The following PLCD3 variants were observed in gnomAD, a reference collection of about 807,000 sequenced individuals.
PLCD3 encodes the protein phospholipase C delta 3.
PLCD3 carries 62 observed loss-of-function variants against 82.8 expected under a neutral mutation model. That is an observed-to-expected ratio of 0.75 (90% confidence interval 0.61 to 0.93). PLCD3 has a LOEUF of 0.93. PLCD3 is among the 40% of genes least tolerant of loss of function. The pLI is 0.00. For synonymous variants in PLCD3, 478 were observed against 471.8 expected (o/e 1.01, Z -0.17); for missense variants, 1,023 against 1,103.4 (o/e 0.93, Z 1.03).
chr17:45,130,905 C>T (rs1376761604), intron 1 of PLCD3, among the ~76,000 whole-genome samples: 2 of 152,060 alleles, frequency 1.3e-5, no homozygotes, highest in Admixed American at 6.6e-5. Context: ...TCCCCAGCCC[C>T]TCATGTGCTG....
At chr17:45,131,532 C>A (rs1411813244) in intron 1 of PLCD3, among the ~76,000 whole-genome samples, 3 of 152,240 alleles carry the variant, frequency 2.0e-5, no homozygotes, top group East Asian at 3.8e-4. Flanking sequence ...TGGTCATAGG[C>A]AAATTCCTTG....
chr17:45,123,967 A>ACC (rs1491499788), intron 1 of PLCD3, among the ~76,000 whole-genome samples: 5 of 138,406 alleles, frequency 3.6e-5, no homozygotes, highest in African/African-American at 8.4e-5. Flanking sequence ...CCCCCCCCCC[A>ACC]ACCAGGTCCA....
chr17:45,122,081 G>C lies in PLCD3; in HGVS notation c.164-709C>G, dbSNP rs140892879. On this transcript the variant is annotated intron_variant, in intron 1 of 14. Coordinates refer to ENST00000619929, the MANE Select transcript of PLCD3 (RefSeq NM_133373.5). ...GATGTGAAACCGTAGCCATCAGGAA[G>C]GTCTCACCATCTAACCTAGATCTCT... Among the ~76,000 whole-genome samples, 254 of 152,290 alleles carry C rather than the reference G, an allele frequency of 1.7e-3. 3 individuals are homozygous for C. The highest frequency in any genetic ancestry group is 5.6e-3 in the African/African-American group (232 of 41,554).
intron 7 of PLCD3, among the ~76,000 whole-genome samples, chr17:45,117,731 C>G (rs761670315): frequency 6.6e-6 from 1 of 152,178 alleles, no homozygotes; most frequent in Non-Finnish European, 1.5e-5. Flanking sequence ...CTTCCCTCCC[C>G]CAAAGGTTTT....
rs759521152 is a variant in PLCD3, at chr17:45,114,296, T to G, written c.1782A>C (p.Ser594=). The G allele has an allele frequency of 6.5e-7, 1 of 1,548,814 alleles. No individual in the cohort carries two copies. The highest frequency in any genetic ancestry group is 8.7e-7 in the Non-Finnish European group (1 of 1,145,978). ...RVYPLGLRMN[S]ANYSPQEMWN... is the part of the protein sequence containing the mutation. ...ACATCTCCTGGGGACTGTAGTTGGC[T>G]GAGTTCATCCGCAGCCCCAGCGGGT... The change falls in exon 11 of 15, where the codon TCA becomes TCC. Residue 594 remains serine (S), a synonymous_variant. Coordinates refer to ENST00000619929, the MANE Select transcript of PLCD3 (RefSeq NM_133373.5).
Position 45,118,933 on chromosome 17 carries a change from G to C in PLCD3, c.795C>G (p.Gly265=). The C allele has an allele frequency of 6.2e-7, 1 of 1,612,462 alleles. No homozygotes were observed. The highest frequency in any genetic ancestry group is 8.5e-7 in the Non-Finnish European group (1 of 1,179,662). The part of the protein sequence containing the change: ...ELEEIFHQYS[G]EDRVLSAPEL... Reference sequence around the variant, plus strand: ...CAGGGGCACTCAGCACGCGGTCCTCGCCCGAGTACTGATGGAAGATCTCCT... The same window carrying C: ...CAGGGGCACTCAGCACGCGGTCCTCCCCCGAGTACTGATGGAAGATCTCCT... Residue 265 remains glycine (G), a synonymous_variant, in exon 5 of 15, where the codon GGC becomes GGG. Coordinates refer to ENST00000619929, the MANE Select transcript of PLCD3 (RefSeq NM_133373.5). The surrounding 1 kb of genome is among the most constrained non-coding windows in gnomAD (Gnocchi z 4.1).
chr17:45,128,588 T>A (rs1158886937), intron 1 of PLCD3, among the ~76,000 whole-genome samples: 2 of 152,048 alleles, frequency 1.3e-5, no homozygotes, highest in Admixed American at 1.3e-4. Flanking sequence ...CTTGGTAGTG[T>A]GTGTAGGCTG....
chr17:45,121,311 G>T lies in PLCD3; in HGVS notation c.225C>A (p.Arg75=). The T allele has an allele frequency of 6.4e-7, 1 of 1,566,914 alleles. No homozygotes were observed. Among genetic ancestry groups the T allele is most frequent in the Non-Finnish European group, 8.6e-7 (1 of 1,165,200 alleles). Reference sequence around the variant, plus strand: ...GCCGCTCCTTGTGCCACGTGCGCGAGCGGATCTTGCGGAGCCGGGAGCCCC... The same window carrying T: ...GCCGCTCCTTGTGCCACGTGCGCGATCGGATCTTGCGGAGCCGGGAGCCCC... ...MLRGSRLRKI[R]SRTWHKERLY... Residue 75 remains arginine, a synonymous_variant, in exon 2 of 15, where the codon CGC becomes CGA. Transcript: ENST00000619929.
intron 4 of PLCD3, among the ~76,000 whole-genome samples, chr17:45,119,619 G>T (rs1219347662): frequency 6.6e-6 from 1 of 152,238 alleles, no homozygotes; most frequent in Non-Finnish European, 1.5e-5. Context: ...AGATGTGGAA[G>T]GAAAAATGGT....
At chr17:45,126,813 C>T (rs2054385187) in intron 1 of PLCD3, among the ~76,000 whole-genome samples, 1 of 151,916 alleles carries the variant, frequency 6.6e-6, no homozygotes, top group South Asian at 2.1e-4. Context: ...CTTGCACTAC[C>T]AGGCCTGAAT....
In PLCD3 at chr17:45,118,008, C is replaced by T. The variant is rs757914564; in HGVS notation, c.1246G>A (p.Asp416Asn). 14 of 1,613,258 alleles carry T rather than the reference C, an allele frequency of 8.7e-6. No individual in the cohort carries two copies. The highest frequency in any genetic ancestry group is 2.2e-5 in the East Asian group (1 of 44,888). ...LFRDVVQAVR[D>N]HAFTLSPYPV... The stretch of plus-strand genomic sequence containing the variant: ...CAGGGGCTCACCGTGAAGGCATGGT[C>T]GCGCACGGCTTGGACCACGTCCCGG... The change falls in exon 7 of 15, where the codon GAC (aspartate) becomes AAC (asparagine). Residue 416 changes from aspartate (D) to asparagine (N), a missense_variant. Asp to Asn is a conservative substitution (Grantham distance 23, BLOSUM62 1). Around this residue, in one of 3 missense-constraint regions of PLCD3, gnomAD observed 553 missense variants for 655.7 expected, o/e 0.84. Transcript: ENST00000619929. The surrounding 1 kb of genome is among the most constrained non-coding windows in gnomAD (Gnocchi z 4.1).
chr17:45,122,810 A>G (rs1449429371), intron 1 of PLCD3, among the ~76,000 whole-genome samples: 1 of 152,178 alleles, frequency 6.6e-6, no homozygotes, highest in Non-Finnish European at 1.5e-5. Context: ...CAATGCCTCA[A>G]CGAGAGTCAC....
At position 45,112,088 on chromosome 17, in the gene PLCD3, C is replaced by G. The variant is rs2054247475; in HGVS notation, c.*528G>C. The G allele has an allele frequency of 6.4e-6, 1 of 156,220 alleles. No homozygotes were observed. Among genetic ancestry groups the G allele is most frequent in the Non-Finnish European group, 1.4e-5 (1 of 70,714 alleles). 9.7% of individuals were successfully genotyped at this position (156,220 alleles called of 1,614,324 possible). ...CCAGTTTCCCCAGGGCTTCATGCCT[C>G]AGCGCTCCCTTCTTGCTTTGAGAAG... On this transcript the variant is annotated 3_prime_UTR_variant, in exon 15 of 15. Transcript: ENST00000619929.
Position 45,115,350 on chromosome 17 carries a change from C to T in PLCD3, c.1554G>A (p.Arg518=), listed in dbSNP as rs2054281380. The part of the protein sequence containing the change: ...EEEEVEAAAQ[R]RLAKQISPEL... ...CACCCATCCCAGCTCTCACCAGCCG[C>T]CTCTGCGCTGCAGCCTCCACCTCCT... Residue 518 remains arginine (R), a synonymous_variant, in exon 9 of 15, where the codon AGG becomes AGA. Transcript: ENST00000619929. 6.4e-7 allele frequency: 1 copy of T among 1,555,222 alleles called. No individual in the cohort carries two copies. The highest frequency in any genetic ancestry group is 8.7e-7 in the Non-Finnish European group (1 of 1,150,806).
At chr17:45,113,060 C>G in intron 13 of PLCD3, 48 bp from the exon 14 acceptor site, 1 of 1,606,182 alleles carries the variant, frequency 6.2e-7, no homozygotes, top group Admixed American at 1.7e-5. Flanking sequence ...CAGGACCCAC[C>G]CTGCACCACC....
At chr17:45,114,399 C>T (rs2054273155) in intron 10 of PLCD3, 33 bp from the exon 11 acceptor site, 1 of 1,515,590 alleles carries the variant, frequency 6.6e-7, no homozygotes, top group Non-Finnish European at 8.9e-7. Context: ...CCGTGACAGA[C>T]TCCGGGGGTC....
At position 45,121,263 on chromosome 17, in the gene PLCD3, G is replaced by A. The variant is rs779653963; in HGVS notation, c.273C>T (p.Gly91=). The A allele has an allele frequency of 6.3e-7, 1 of 1,592,060 alleles. No homozygotes were observed. The highest frequency in any genetic ancestry group is 8.5e-7 in the Non-Finnish European group (1 of 1,177,228). Reference sequence around the variant, plus strand: ...TGCGCCGCTGGAACCACACGCTCAGGCCGTCCTCCTGCAGCCGGTACAGCC... The same window carrying A: ...TGCGCCGCTGGAACCACACGCTCAGACCGTCCTCCTGCAGCCGGTACAGCC... The part of the protein sequence containing the change: ...KERLYRLQED[G]LSVWFQRRIP... The change falls in exon 2 of 15, where the codon GGC becomes GGT. Residue 91 remains glycine (G), a synonymous_variant. Transcript: ENST00000619929.
rs1405556830 is a variant in PLCD3, at chr17:45,109,727, G to A, written c.*2889C>T. The A allele has an allele frequency of 6.6e-6, 1 of 152,342 alleles. No individual in the cohort carries two copies. Among genetic ancestry groups the A allele is most frequent in the African/African-American group, 2.4e-5 (1 of 41,464 alleles). 9.4% of individuals were successfully genotyped at this position (152,342 alleles called of 1,614,324 possible). On this transcript the variant is annotated 3_prime_UTR_variant, in exon 15 of 15. Coordinates refer to ENST00000619929, the MANE Select transcript of PLCD3 (RefSeq NM_133373.5). Reference sequence around the variant, plus strand: ...GCCTTTTTTCCTGCCCTTAGCTTTGGGCTGAGAGAACATAGCCCTATGTGT... The same window carrying A: ...GCCTTTTTTCCTGCCCTTAGCTTTGAGCTGAGAGAACATAGCCCTATGTGT...
rs1322806685 is a variant in PLCD3, at chr17:45,115,388, C to T, written c.1516G>A (p.Glu506Lys). ...GCCTCCACCTCCTCTTCTTCCTCCT[C>T]GTCATCCTCCTCCTCCTCCTCCCGA... ...SDREEEEEDD[E>K]EEEEEVEAAA... The change falls in exon 9 of 15, where the codon GAG becomes AAG. Residue 506 changes from glutamate (E) to lysine (K), a missense_variant. Around this residue, in one of 3 missense-constraint regions of PLCD3, gnomAD observed 553 missense variants for 655.7 expected, o/e 0.84. Coordinates refer to ENST00000619929, the MANE Select transcript of PLCD3 (RefSeq NM_133373.5). 2.5e-6 allele frequency: 4 copies of T among 1,603,968 alleles called. No homozygotes were observed. The highest frequency in any genetic ancestry group is 1.1e-5 in the South Asian group (1 of 89,254).
Sources: gnomAD v4.1 joint callset for allele counts (sites outside exome capture counted in the v4.1 genomes callset) on GRCh38, gnomAD v4.1.1 for gene constraint, gnomAD v4.1.1 regional missense constraint, Gnocchi (gnomAD v3.1) non-coding constraint, MANE v1.5 for transcripts, NCBI Gene and HGNC (gene_info 2026-07-23, HGNC 2026-07-21) for gene names.